The following DSCAM variants were observed in gnomAD, a reference collection of about 807,000 sequenced individuals.
DSCAM encodes cell adhesion molecule DSCAM.
In DSCAM, 47 loss-of-function variants were observed where a neutral mutation model predicts 217.7. The ratio of observed to expected loss-of-function variants is 0.22; its 90% CI spans 0.17 to 0.28. The LOEUF is 0.28. Ranked by LOEUF, DSCAM falls within the 10% of genes least tolerant of loss-of-function variation. The pLI is 1.00. For synonymous variants in DSCAM, 1,056 were observed against 1,015.3 expected, an observed-to-expected ratio of 1.04 and a Z score of -0.76; for missense variants, 2,080 against 2,618.3, an observed-to-expected ratio of 0.79 and a Z score of 4.49.
At chr21:40,018,434 G>A (rs1351855502) in intron 32 of DSCAM, among the ~76,000 whole-genome samples, 1 of 151,970 alleles carries the variant, frequency 6.6e-6, no homozygotes, top group East Asian at 1.9e-4. Context: ...TACCTCCAGG[G>A]TTCTTTAAAT....
At chr21:40,212,129 C>T (rs564502974) in intron 11 of DSCAM, among the ~76,000 whole-genome samples, 1 of 152,146 alleles carries the variant, frequency 6.6e-6, no homozygotes. Flanking sequence ...ACCACCACGC[C>T]TGGCTAATTT....
At chr21:40,628,091 A>T (rs544158903) in intron 3 of DSCAM, among the ~76,000 whole-genome samples, 1 of 152,338 alleles carries the variant, frequency 6.6e-6, no homozygotes, top group South Asian at 2.1e-4. Flanking sequence ...TGAAACCACA[A>T]ATAATTTGTG....
intron 1 of DSCAM, among the ~76,000 whole-genome samples, chr21:40,832,581 G>A (rs1034859366): frequency 5.9e-5 from 9 of 152,122 alleles, no homozygotes; most frequent in Non-Finnish European, 1.3e-4. Context: ...TGGTATCATC[G>A]TGTGACCTGC....
At chr21:40,800,251 G>T (rs2091727831) in intron 1 of DSCAM, among the ~76,000 whole-genome samples, 1 of 152,138 alleles carries the variant, frequency 6.6e-6, no homozygotes, top group East Asian at 1.9e-4. Context: ...AAATTACCCA[G>T]TTTCAGGCAT....
intron 3 of DSCAM, among the ~76,000 whole-genome samples, chr21:40,487,233 C>G (rs919743686): frequency 7.1e-6 from 1 of 140,514 alleles, no homozygotes; most frequent in Non-Finnish European, 1.6e-5. Context: ...TAACCTGTAA[C>G]TCTCTCTCTC....
chr21:40,119,075 T>C (rs895044191), intron 20 of DSCAM, among the ~76,000 whole-genome samples: 7 of 152,198 alleles, frequency 4.6e-5, no homozygotes, highest in Admixed American at 2.6e-4. Flanking sequence ...TGGCATGTAC[T>C]ACCACATACT....
At chr21:40,405,678 C>T (rs1309216584) in intron 3 of DSCAM, among the ~76,000 whole-genome samples, 3 of 152,008 alleles carry the variant, frequency 2.0e-5, no homozygotes, top group African/African-American at 7.2e-5. Context: ...AAAATGGGGA[C>T]TGGACTTGAA....
chr21:40,399,625 T>C (rs945482258), intron 3 of DSCAM, among the ~76,000 whole-genome samples: 3 of 152,228 alleles, frequency 2.0e-5, no homozygotes, highest in African/African-American at 7.2e-5. Context: ...CCTAAATCTC[T>C]GAGGTCAAGC....
chr21:40,641,160 A>C (rs2146341300), intron 3 of DSCAM, among the ~76,000 whole-genome samples: 1 of 152,230 alleles, frequency 6.6e-6, no homozygotes, highest in Non-Finnish European at 1.5e-5. Context: ...GCCTTTAGTA[A>C]ATATGCAAGG....
At chr21:40,347,298 C>CAAAAAAAA (rs796531226) in intron 6 of DSCAM, among the ~76,000 whole-genome samples, 76 of 79,368 alleles carry the variant, frequency 9.6e-4, no homozygotes, top group African/African-American at 3.0e-3. Flanking sequence ...AACTCCATCT[C>CAAAAAAAA]AAAAAAAAAA....
intron 3 of DSCAM, among the ~76,000 whole-genome samples, chr21:40,378,796 T>A (rs1408049651): frequency 6.6e-6 from 1 of 151,792 alleles, no homozygotes; most frequent in Non-Finnish European, 1.5e-5. Flanking sequence ...GGTTTCACCG[T>A]GTTAGCCAGG....
intron 4 of DSCAM, among the ~76,000 whole-genome samples, chr21:40,361,871 T>C (rs1034509002): frequency 2.0e-5 from 3 of 152,216 alleles, no homozygotes; most frequent in Non-Finnish European, 4.4e-5. Flanking sequence ...AGTTGTTACA[T>C]CTCTTGAGTG....
At chr21:40,151,686 G>A (rs534625768) in intron 16 of DSCAM, among the ~76,000 whole-genome samples, 2 of 152,338 alleles carry the variant, frequency 1.3e-5, no homozygotes, top group South Asian at 2.1e-4. Flanking sequence ...TTCCTTGACT[G>A]CAGACACATG....
At chr21:40,633,083 C>T (rs926774381) in intron 3 of DSCAM, among the ~76,000 whole-genome samples, 1 of 152,186 alleles carries the variant, frequency 6.6e-6, no homozygotes, top group African/African-American at 2.4e-5. Context: ...CTATTTAAAA[C>T]CCCCTTTAGG....
At chr21:40,406,545 G>A (rs1028932648) in intron 3 of DSCAM, among the ~76,000 whole-genome samples, 1 of 152,154 alleles carries the variant, frequency 6.6e-6, no homozygotes, top group East Asian at 1.9e-4. Flanking sequence ...AGCCAGGCAC[G>A]GAAAGACAAA....
Position 40,283,859 on chromosome 21 carries a change from GT to G in DSCAM, c.2183-7590del, listed in dbSNP as rs370112228. Among the ~76,000 whole-genome samples, 70 of 152,320 alleles carry G rather than the reference GT, an allele frequency of 4.6e-4. No homozygotes were observed. The South Asian group carries it at 8.9e-3, about 19-fold the overall frequency. Reference sequence around the variant, plus strand: ...TTGGTCAATGAGCTCATCCAGAGGGGTCCCCTTGTAGGGTGAAATAAGACTG... The same window carrying G: ...TTGGTCAATGAGCTCATCCAGAGGGGCCCCTTGTAGGGTGAAATAAGACTG... On this transcript the variant is annotated intron_variant, in intron 10 of 32. Transcript: ENST00000400454.
chr21:40,426,632 A>G (rs889828670), intron 3 of DSCAM, among the ~76,000 whole-genome samples: 1 of 152,248 alleles, frequency 6.6e-6, no homozygotes, highest in Non-Finnish European at 1.5e-5. Context: ...TCTAGAGAGT[A>G]CTATGACATG....
chr21:40,586,158 G>A (rs1017531621), intron 3 of DSCAM, among the ~76,000 whole-genome samples: 5 of 152,048 alleles, frequency 3.3e-5, no homozygotes, highest in South Asian at 2.1e-4. Flanking sequence ...TGCCTGGTCC[G>A]TGCTCTTTTG....
chr21:40,282,686 T>C (rs987441559), intron 10 of DSCAM, among the ~76,000 whole-genome samples: 3 of 147,772 alleles, frequency 2.0e-5, no homozygotes, highest in African/African-American at 7.5e-5. Flanking sequence ...TCAAATAACA[T>C]GCTGGTGTGG....
Sources: allele counts gnomAD v4.1 joint callset (sites outside exome capture counted in the v4.1 genomes callset), GRCh38; gene constraint gnomAD v4.1.1; transcripts MANE v1.5; gene names NCBI Gene and HGNC (gene_info 2026-07-23, HGNC 2026-07-21).